The following CSMD1 variants were observed in gnomAD, a reference collection of about 807,000 sequenced individuals.
CSMD1 encodes the protein CUB and Sushi multiple domains 1, also known as CUB and sushi domain-containing protein 1.
A neutral mutation model predicts 417.5 loss-of-function variants in CSMD1; 213 were observed. The observed-to-expected ratio is 0.51, with a 90% confidence interval of 0.46 to 0.57. The LOEUF (loss-of-function observed/expected upper bound fraction) is 0.57. CSMD1 is among the 20% of genes least tolerant of loss of function. The probability of loss-of-function intolerance (pLI) is 0.00; values close to 1 mark genes in which losing one functional copy is unlikely to be tolerated. For synonymous variants in CSMD1, 2,862 were observed against 1,736.8 expected (o/e 1.65, Z -16.11); for missense variants, 6,923 against 4,529.7 (o/e 1.53, Z -15.17).
chr8:4,583,399 G>A (rs1284310133), intron 2 of CSMD1, among the ~76,000 whole-genome samples: 1 of 152,106 alleles, frequency 6.6e-6, no homozygotes, highest in Non-Finnish European at 1.5e-5. Context: ...ACACCAATCA[G>A]CACCCTGTGT....
rs200509738 is a variant in CSMD1, at chr8:3,661,507, T to C, written c.1010-44710A>G. ...TTGCTCAATTAAACTGATTTTTTTT[T>C]CTTTTTTGAGACTGAGTCCCACTTT... On this transcript the variant is annotated intron_variant, in intron 7 of 69. Transcript: ENST00000635120. 2.3e-4 allele frequency among the ~76,000 whole-genome samples: 35 copies of C among 151,110 alleles called. 1 individual carries two copies. The East Asian group carries it at 3.3e-3, about 14-fold the overall frequency.
intron 3 of CSMD1, among the ~76,000 whole-genome samples, chr8:4,231,254 G>A (rs373009065): frequency 1.1e-4 from 16 of 152,302 alleles, no homozygotes; most frequent in African/African-American, 3.8e-4. Context: ...CATCATGGAA[G>A]GAAGCCATCT....
At chr8:3,687,269 AC>A in intron 7 of CSMD1, among the ~76,000 whole-genome samples, 1 of 152,294 alleles carries the variant, frequency 6.6e-6, no homozygotes. Flanking sequence ...CATTTCCAGG[AC>A]CAAAAAAGTC....
At chr8:3,684,115 A>T (rs1338589880) in intron 7 of CSMD1, among the ~76,000 whole-genome samples, 1 of 107,844 alleles carries the variant, frequency 9.3e-6, no homozygotes, top group Non-Finnish European at 2.2e-5. Context: ...TATATTATAT[A>T]ATATATAATT....
intron 52 of CSMD1, among the ~76,000 whole-genome samples, chr8:3,000,718 G>C (rs187848477): frequency 1.3e-5 from 2 of 152,342 alleles, no homozygotes; most frequent in Admixed American, 1.3e-4. Context: ...TCCAGGGACA[G>C]ATGTGCTGAA....
chr8:3,209,375 G>A (rs1797476289), intron 30 of CSMD1, among the ~76,000 whole-genome samples: 1 of 151,984 alleles, frequency 6.6e-6, no homozygotes, highest in South Asian at 2.1e-4. Flanking sequence ...GGAGTACAGT[G>A]GCGTGATCTC....
At chr8:3,492,758 G>A (rs1796179639) in intron 11 of CSMD1, among the ~76,000 whole-genome samples, 1 of 152,148 alleles carries the variant, frequency 6.6e-6, no homozygotes. Flanking sequence ...AATATTCACA[G>A]CAAGGCTGTC....
intron 1 of CSMD1, among the ~76,000 whole-genome samples, chr8:4,902,697 A>G (rs1317876499): frequency 6.6e-6 from 1 of 152,130 alleles, no homozygotes; most frequent in African/African-American, 2.4e-5. Flanking sequence ...ATATACGCAC[A>G]TGATACAAAA....
At chr8:3,921,667 T>G (rs1395585751) in intron 5 of CSMD1, among the ~76,000 whole-genome samples, 1 of 152,158 alleles carries the variant, frequency 6.6e-6, no homozygotes. Flanking sequence ...CAGGCGTATG[T>G]TGCTTAATTT....
At chr8:3,749,512 A>G (rs1797221311) in intron 6 of CSMD1, among the ~76,000 whole-genome samples, 1 of 152,198 alleles carries the variant, frequency 6.6e-6, no homozygotes, top group Non-Finnish European at 1.5e-5. Context: ...GAATTTGGAG[A>G]TGAAAGTTAA....
chr8:4,716,149 C>T (rs966830679), intron 1 of CSMD1, among the ~76,000 whole-genome samples: 1 of 152,162 alleles, frequency 6.6e-6, no homozygotes, highest in Non-Finnish European at 1.5e-5. Context: ...GTGAGCCAGG[C>T]TGACTTCACA....
At chr8:4,274,337 C>CT (rs1207205800) in intron 3 of CSMD1, among the ~76,000 whole-genome samples, 1 of 152,080 alleles carries the variant, frequency 6.6e-6, no homozygotes, top group South Asian at 2.1e-4. Flanking sequence ...AAACACATGA[C>CT]TTTTTTTACG....
At chr8:4,930,481 G>T (rs1461122499) in intron 1 of CSMD1, among the ~76,000 whole-genome samples, 1 of 152,160 alleles carries the variant, frequency 6.6e-6, no homozygotes, top group Non-Finnish European at 1.5e-5. Context: ...ACTCAGCACA[G>T]CTGTGCTGAA....
At chr8:3,384,749 T>TTTATATATA (rs1810877802) in intron 18 of CSMD1, among the ~76,000 whole-genome samples, 3 of 126,182 alleles carry the variant, frequency 2.4e-5, no homozygotes, top group South Asian at 2.2e-4. Context: ...TAAATATATA[T>TTTATATATA]TTATATAAAT....
At chr8:3,303,270 G>GTATT (rs1804555678) in intron 25 of CSMD1, among the ~76,000 whole-genome samples, 1 of 152,068 alleles carries the variant, frequency 6.6e-6, no homozygotes, top group Admixed American at 6.6e-5. Context: ...TCTCTTAAGT[G>GTATT]TATTTCCTAC....
intron 3 of CSMD1, among the ~76,000 whole-genome samples, chr8:4,264,685 AAG>A (rs149549728): frequency 6.6e-6 from 1 of 152,298 alleles, no homozygotes; most frequent in African/African-American, 2.4e-5. Flanking sequence ...TCCCCAGAAT[AAG>A]GGGAACAGGG....
At chr8:4,459,993 C>T (rs889355123) in intron 2 of CSMD1, among the ~76,000 whole-genome samples, 2 of 152,098 alleles carry the variant, frequency 1.3e-5, no homozygotes, top group Non-Finnish European at 2.9e-5. Context: ...GACTAGACAA[C>T]CAAAATAGTA....
chr8:3,996,938 C>T (rs578239623), intron 5 of CSMD1, among the ~76,000 whole-genome samples: 76 of 152,260 alleles, frequency 5.0e-4, no homozygotes, highest in African/African-American at 1.8e-3. Context: ...ACATGTTTGT[C>T]TGGTAGCCTT....
At chr8:3,927,898 C>G (rs576776350) in intron 5 of CSMD1, among the ~76,000 whole-genome samples, 4 of 151,904 alleles carry the variant, frequency 2.6e-5, no homozygotes, top group Admixed American at 1.3e-4. Context: ...TCGAAGGTTA[C>G]CTAAAAAATC....
Sources: allele counts gnomAD v4.1 joint callset (sites outside exome capture counted in the v4.1 genomes callset), GRCh38; gene constraint gnomAD v4.1.1; transcripts MANE v1.5; gene names NCBI Gene and HGNC (gene_info 2026-07-23, HGNC 2026-07-21).